The following TBC1D5 variants were observed in gnomAD, a reference collection of about 807,000 sequenced individuals.
TBC1D5 encodes the protein TBC1 domain family member 5, also known as TBC1 domain family, member 5.
In TBC1D5, 75 loss-of-function variants were observed where a neutral mutation model predicts 100.3. The observed-to-expected ratio is 0.75, with a 90% CI of 0.62 to 0.91. The LOEUF (loss-of-function observed/expected upper bound fraction) is 0.91. Among genes scored for constraint, TBC1D5 ranks in the 40% least tolerant of loss-of-function variants. The pLI is 0.00. For missense variants in TBC1D5, 910 were observed against 942.4 expected, an observed-to-expected ratio of 0.97 and a Z score of 0.45; for synonymous variants, 323 against 325.6, an observed-to-expected ratio of 0.99 and a Z score of 0.09.
At chr3:17,561,125 T>G (rs1202380512) in intron 2 of TBC1D5, among the ~76,000 whole-genome samples, 1 of 152,082 alleles carries the variant, frequency 6.6e-6, no homozygotes, top group Non-Finnish European at 1.5e-5. Flanking sequence ...GCTGGCAAAG[T>G]TCTATTTCTT....
chr3:17,656,480 T>C (rs530073091), intron 1 of TBC1D5, among the ~76,000 whole-genome samples: 4 of 152,316 alleles, frequency 2.6e-5, no homozygotes, highest in Non-Finnish European at 5.9e-5. Flanking sequence ...AACAGTAAGT[T>C]TATTTGATAT....
chr3:17,330,074 C>T (rs7630286), intron 13 of TBC1D5, among the ~76,000 whole-genome samples: 61,846 of 151,942 alleles, frequency 0.41, 13,254 homozygotes, highest in Middle Eastern at 0.5. Flanking sequence ...CCTCACAGTT[C>T]TCAGCCACCT....
intron 1 of TBC1D5, among the ~76,000 whole-genome samples, chr3:17,731,636 G>A (rs1310793118): frequency 6.6e-6 from 1 of 152,136 alleles, no homozygotes; most frequent in South Asian, 2.1e-4. Context: ...GGGGACACCA[G>A]TCAGAAGACC....
Position 17,404,786 on chromosome 3 carries a change from AAC to A in TBC1D5, c.367-20_367-19del, listed in dbSNP as rs138813353. 2 of 1,599,662 alleles carry A rather than the reference AAC, an allele frequency of 1.3e-6. No individual in the cohort carries two copies. Among genetic ancestry groups the A allele is most frequent in the Non-Finnish European group, 1.7e-6 (2 of 1,174,600 alleles). On this transcript the variant is annotated intron_variant, in intron 6 of 21. Coordinates refer to ENST00000253692, the Ensembl canonical transcript of TBC1D5. ...GTAATATGCTAGTAAAGAAAGAGAAAACACACACACAAGGATCAGAGGCTACT... is the reference window on the plus strand; with the variant it reads ...GTAATATGCTAGTAAAGAAAGAGAAAACACACACAAGGATCAGAGGCTACT...
intron 2 of TBC1D5, among the ~76,000 whole-genome samples, chr3:17,620,605 A>T (rs1433930652): frequency 6.6e-6 from 1 of 152,190 alleles, no homozygotes; most frequent in Non-Finnish European, 1.5e-5. Flanking sequence ...CAACATAAAT[A>T]TCTCTGCGTT....
Position 17,160,855 on chromosome 3 carries a change from G to A in TBC1D5, c.*108C>T, listed in dbSNP as rs2065958864. ...CTGGACCAATGCAAAATGCATGCCG[G>A]GAAGGAAGCAGTGGTTTAAGAAGGT... On this transcript the variant is annotated 3_prime_UTR_variant, in exon 22 of 22. Transcript: ENST00000253692. 19 of 1,367,706 alleles carry A rather than the reference G, an allele frequency of 1.4e-5. No homozygotes were observed. The South Asian group carries it at 2.5e-4, about 18-fold the overall frequency. 84.7% of individuals were successfully genotyped at this position (1,367,706 alleles called of 1,614,324 possible).
At chr3:17,652,431 T>G (rs1219473083) in intron 1 of TBC1D5, among the ~76,000 whole-genome samples, 1 of 152,200 alleles carries the variant, frequency 6.6e-6, no homozygotes, top group Non-Finnish European at 1.5e-5. Context: ...CTTAAACTGT[T>G]GTTCAGGTAT....
intron 3 of TBC1D5, 120 bp from the exon 4 acceptor site, chr3:17,428,639 C>T: frequency 3.1e-6 from 1 of 324,236 alleles, no homozygotes. Flanking sequence ...TCCCCCTTCC[C>T]CAAATTATCT....
chr3:17,258,517 C>G (rs1377432454), exon 16 of TBC1D5: 2 of 1,612,066 alleles, frequency 1.2e-6, no homozygotes, highest in East Asian at 2.2e-5. Flanking sequence ...GGCTTTTATT[C>G]ATGAGGTCTG....
chr3:17,481,212 G>GC (rs1194937618), intron 3 of TBC1D5, among the ~76,000 whole-genome samples: 2 of 152,204 alleles, frequency 1.3e-5, no homozygotes, highest in Non-Finnish European at 1.5e-5. Flanking sequence ...ATCTGTACCG[G>GC]CACCTAGGGC....
At chr3:17,533,420 A>C (rs1298294413) in intron 2 of TBC1D5, among the ~76,000 whole-genome samples, 2 of 152,164 alleles carry the variant, frequency 1.3e-5, no homozygotes, top group African/African-American at 4.8e-5. Flanking sequence ...GGCATATCAA[A>C]TCCTAATATG....
At chr3:17,158,179 C>T (rs2065751446) in exon 22 of TBC1D5, 2 of 152,182 alleles carry the variant, frequency 1.3e-5, no homozygotes, top group South Asian at 4.1e-4. Context: ...AATTTTAACT[C>T]AAATTCCAAT....
At chr3:17,294,814 A>G (rs2082091708) in intron 14 of TBC1D5, among the ~76,000 whole-genome samples, 1 of 152,246 alleles carries the variant, frequency 6.6e-6, no homozygotes, top group Admixed American at 6.5e-5. Flanking sequence ...AAATACCCTT[A>G]ATTTGCAATT....
chr3:17,244,357 C>A (rs2076551606), intron 16 of TBC1D5, among the ~76,000 whole-genome samples: 1 of 152,142 alleles, frequency 6.6e-6, no homozygotes, highest in African/African-American at 2.4e-5. Flanking sequence ...AAATAAGAGG[C>A]TTGTATACTA....
intron 3 of TBC1D5, among the ~76,000 whole-genome samples, chr3:17,458,563 T>C (rs1272078634): frequency 2.6e-5 from 4 of 152,184 alleles, no homozygotes; most frequent in Non-Finnish European, 5.9e-5. Flanking sequence ...ATCATCTTAG[T>C]TGATCTCTTT....
In TBC1D5 at chr3:17,554,871, G is replaced by C. The variant is rs184190788; in HGVS notation, c.-35-46266C>G. Among the ~76,000 whole-genome samples, 156 of 147,170 alleles carry C rather than the reference G, an allele frequency of 1.1e-3. 2 individuals carry two copies. The South Asian group carries it at 0.019, about 18-fold the overall frequency. ...CTTTTTTTTTTTCTTTTTTTTTGGA[G>C]ACAGAGTCTCACTCTGTCGCCAGGC... On this transcript the variant is annotated intron_variant, in intron 2 of 21. Coordinates refer to ENST00000253692, the Ensembl canonical transcript of TBC1D5.
chr3:17,212,520 A>G (rs1245015116), intron 18 of TBC1D5, among the ~76,000 whole-genome samples: 2 of 152,060 alleles, frequency 1.3e-5, no homozygotes, highest in Non-Finnish European at 1.5e-5. Context: ...AAAAAGAGTT[A>G]ACTTTAAAAC....
chr3:17,294,064 T>C (rs957422729), intron 14 of TBC1D5, among the ~76,000 whole-genome samples: 18 of 152,362 alleles, frequency 1.2e-4, no homozygotes, highest in African/African-American at 4.1e-4. Context: ...TGAAAGGCCA[T>C]TGTTTTGAAA....
chr3:17,471,030 A>T (rs2095366856), intron 3 of TBC1D5, among the ~76,000 whole-genome samples: 1 of 152,230 alleles, frequency 6.6e-6, no homozygotes, highest in Non-Finnish European at 1.5e-5. Context: ...ACTAAAAAAT[A>T]GATGTCATTG....
Sources: allele counts gnomAD v4.1 joint callset (sites outside exome capture counted in the v4.1 genomes callset), GRCh38; gene constraint gnomAD v4.1.1; transcripts MANE v1.5; gene names NCBI Gene and HGNC (gene_info 2026-07-23, HGNC 2026-07-21).